The following SPATA7 variants were observed in gnomAD, a reference collection of about 807,000 sequenced individuals.
SPATA7 encodes spermatogenesis-associated protein 7.
Under a neutral mutation model 51.8 loss-of-function variants are expected in SPATA7, and 43 were observed. The ratio of observed to expected loss-of-function variants is 0.83; its 90% CI spans 0.65 to 1.07. The LOEUF (loss-of-function observed/expected upper bound fraction) is 1.07, where lower values mean the gene tolerates loss of function less well. Among genes scored for constraint, SPATA7 ranks in the 50% least tolerant of loss-of-function variants. The pLI is 0.00. For synonymous variants in SPATA7, 230 were observed against 252.8 expected (o/e 0.91, Z 0.86); for missense variants, 683 against 701.3 (o/e 0.97, Z 0.30).
intron 3 of SPATA7, among the ~76,000 whole-genome samples, chr14:88,450,106 A>G (rs2077241024): frequency 6.6e-6 from 1 of 151,984 alleles, no homozygotes; most frequent in Admixed American, 6.6e-5. Context: ...TAGTTATTCC[A>G]TTCAAGATAT....
At chr14:88,414,351 T>C (rs2076419130) in intron 4 of SPATA7, among the ~76,000 whole-genome samples, 1 of 152,118 alleles carries the variant, frequency 6.6e-6, no homozygotes, top group Non-Finnish European at 1.5e-5. Flanking sequence ...TGCATAAAAG[T>C]CTTCTTAATA....
chr14:88,406,226 G>T (rs900188828), intron 4 of SPATA7, among the ~76,000 whole-genome samples: 17 of 151,876 alleles, frequency 1.1e-4, no homozygotes, highest in Admixed American at 3.3e-4. Context: ...ATAGTTTATT[G>T]AATTATTTAA....
chr14:88,448,398 CAA>C (rs2077228590), intron 3 of SPATA7, among the ~76,000 whole-genome samples: 1 of 152,104 alleles, frequency 6.6e-6, no homozygotes, highest in African/African-American at 2.4e-5. Flanking sequence ...AAACTTTTTT[CAA>C]AGTTTTCAAC....
chr14:88,460,062 G>A (rs2077307591), downstream of SPATA7, among the ~76,000 whole-genome samples: 2 of 152,188 alleles, frequency 1.3e-5, no homozygotes, highest in Non-Finnish European at 2.9e-5. Context: ...GGCTTGTAGA[G>A]TTTCTGCTGA....
At chr14:88,447,132 G>C (rs1489654066) in intron 3 of SPATA7, among the ~76,000 whole-genome samples, 1 of 149,700 alleles carries the variant, frequency 6.7e-6, no homozygotes, top group Non-Finnish European at 1.5e-5. Flanking sequence ...TCTCTTTGTA[G>C]GTCACTCAGG....
In SPATA7 at chr14:88,416,737, C is replaced by G. The variant is rs747784419; in HGVS notation, c.265C>G (p.Leu89Val). 5 of 1,613,208 alleles carry G rather than the reference C, an allele frequency of 3.1e-6. No individual in the cohort carries two copies. The highest frequency in any genetic ancestry group is 4.2e-6 in the Non-Finnish European group (5 of 1,179,616). ...KYADQQRREK[L>V]KKELAQCEKE... Reference sequence around the variant, plus strand: ...TGCAGACCAACAACGAAGAGAGAAACTCAAAAAGGAATTAGCACAATGTGA... The same window carrying G: ...TGCAGACCAACAACGAAGAGAGAAAGTCAAAAAGGAATTAGCACAATGTGA... Residue 89 changes from leucine (L) to valine (V), a missense_variant, in exon 5 of 12, where the codon CTC (leucine) becomes GTC (valine). By Grantham distance (32) the Leu-to-Val change is conservative (BLOSUM62 1). Transcript: ENST00000393545.
chr14:88,426,276 A>T lies in SPATA7; in HGVS notation c.417A>T (p.Glu139Asp). The part of the protein sequence containing the change: ...PQIEDDMLKE[E>D]MNGFSSFARS... The stretch of plus-strand genomic sequence containing the variant: ...TTGAGGATGACATGTTAAAAGAAGA[A>T]ATGAATGGATTTTCATCCTTTGCAA... The change falls in exon 6 of 12, where the codon GAA (glutamate) becomes GAT (aspartate). Residue 139 changes from glutamate to aspartate, a missense_variant. By Grantham distance (45) the Glu-to-Asp change is conservative (BLOSUM62 2). Transcript: ENST00000393545. 1 of 1,614,146 alleles carries T rather than the reference A, an allele frequency of 6.2e-7. No individual in the cohort carries two copies. Among genetic ancestry groups the T allele is most frequent in the African/African-American group, 1.3e-5 (1 of 75,070 alleles).
intron 4 of SPATA7, chr14:88,468,154 TTTTCAG>T: frequency 6.2e-7 from 1 of 1,613,954 alleles, no homozygotes. Flanking sequence ...AGCCTGGAGC[TTTTCAG>T]GAACTGGATG....
intron 1 of SPATA7, among the ~76,000 whole-genome samples, chr14:88,390,335 A>G (rs1000529800): frequency 1.5e-4 from 23 of 152,130 alleles, no homozygotes; most frequent in African/African-American, 5.6e-4. Context: ...AGGTACTCAA[A>G]TGATGTCACC....
chr14:88,465,595 G>A (rs2077352761), intron 4 of SPATA7, among the ~76,000 whole-genome samples: 1 of 152,312 alleles, frequency 6.6e-6, no homozygotes, highest in East Asian at 1.9e-4. Context: ...GTGGAAAACA[G>A]TGGTTTATAA....
chr14:88,454,230 T>G (rs906614522), intron 3 of SPATA7, among the ~76,000 whole-genome samples: 2 of 152,186 alleles, frequency 1.3e-5, no homozygotes, highest in African/African-American at 2.4e-5. Context: ...TTTACCAGCT[T>G]GCAGAGGCTG....
At chr14:88,436,491 C>G (rs2077090840) in intron 10 of SPATA7, among the ~76,000 whole-genome samples, 1 of 152,120 alleles carries the variant, frequency 6.6e-6, no homozygotes, top group Admixed American at 6.5e-5. Flanking sequence ...CTCAAGAAGT[C>G]TTTGCCAGAC....
chr14:88,457,728 T>A (rs1040056146), downstream of SPATA7, among the ~76,000 whole-genome samples: 1 of 152,220 alleles, frequency 6.6e-6, no homozygotes, highest in African/African-American at 2.4e-5. Context: ...TTCTTTCTCC[T>A]GCCTAATTGC....
chr14:88,385,777 G>C lies in SPATA7; in HGVS notation c.-42G>C. On this transcript the variant is annotated 5_prime_UTR_variant, in exon 1 of 12. Coordinates refer to ENST00000393545, the MANE Select transcript of SPATA7 (RefSeq NM_018418.5). Reference sequence around the variant, plus strand: ...GGCCCGGCCGCGGGAAGGACCGAAGGGGATACAGCGTGTCCCTGCGGCGGC... The same window carrying C: ...GGCCCGGCCGCGGGAAGGACCGAAGCGGATACAGCGTGTCCCTGCGGCGGC... 1 of 1,586,142 alleles carries C rather than the reference G, an allele frequency of 6.3e-7. No individual in the cohort carries two copies. The highest frequency in any genetic ancestry group is 2.3e-5 in the East Asian group (1 of 44,298).
chr14:88,432,999 TC>T (rs1386978049), intron 9 of SPATA7, 135 bp from the exon 10 acceptor site: 3 of 663,954 alleles, frequency 4.5e-6, no homozygotes, highest in Non-Finnish European at 7.8e-6. Flanking sequence ...TTTGTAATAT[TC>T]CCCTTAGTAA....
chr14:88,442,502 G>A (rs2077184355), downstream of SPATA7, among the ~76,000 whole-genome samples: 1 of 152,122 alleles, frequency 6.6e-6, no homozygotes, highest in Non-Finnish European at 1.5e-5. Flanking sequence ...ATCATAAAGG[G>A]ATGCTGGATT....
intron 2 of SPATA7, among the ~76,000 whole-genome samples, chr14:88,392,715 G>A (rs74071382): frequency 0.035 from 5,324 of 151,978 alleles, 309 homozygotes; most frequent in African/African-American, 0.12. Flanking sequence ...ACCACATTGC[G>A]TGTATTACTT....
At chr14:88,409,309 G>A (rs1262584968) in intron 4 of SPATA7, among the ~76,000 whole-genome samples, 1 of 151,796 alleles carries the variant, frequency 6.6e-6, no homozygotes, top group Non-Finnish European at 1.5e-5. Context: ...TCGACTTCTT[G>A]TTTAGTCTCA....
At chr14:88,463,160 T>C (rs2077328030) in intron 4 of SPATA7, among the ~76,000 whole-genome samples, 1 of 152,128 alleles carries the variant, frequency 6.6e-6, no homozygotes, top group African/African-American at 2.4e-5. Context: ...GACCTTCACC[T>C]TCCTTCTTGG....
Sources: allele counts gnomAD v4.1 joint callset (sites outside exome capture counted in the v4.1 genomes callset), GRCh38; gene constraint gnomAD v4.1.1; transcripts MANE v1.5; gene names NCBI Gene and HGNC (gene_info 2026-07-23, HGNC 2026-07-21).